Variants in HDAC9 observed in about 807,000 individuals in gnomAD.
The protein encoded by HDAC9 is MEF-2 interacting transcription repressor (MITR) protein.
In HDAC9, 41 loss-of-function variants were observed where a neutral mutation model predicts 139.4. The observed-to-expected ratio is 0.29, with a 90% CI of 0.23 to 0.38. The LOEUF is 0.38. Among genes scored for constraint, HDAC9 ranks in the 10% least tolerant of loss-of-function variants. The pLI is 1.00. For missense variants in HDAC9, 1,147 were observed against 1,297.0 expected (o/e 0.88, Z 1.78); for synonymous variants, 517 against 476.2 (o/e 1.09, Z -1.12).
intron 25 of HDAC9, among the ~76,000 whole-genome samples, chr7:18,989,695 C>G (rs1307739324): frequency 6.8e-6 from 1 of 147,558 alleles, no homozygotes; most frequent in Non-Finnish European, 1.5e-5. Context: ...GTACACCAAT[C>G]AGACGTAGAT....
At chr7:18,612,915 T>C (rs969552538) in intron 6 of HDAC9, among the ~76,000 whole-genome samples, 3 of 151,802 alleles carry the variant, frequency 2.0e-5, no homozygotes, top group South Asian at 4.1e-4. Flanking sequence ...GTTTTAAAAA[T>C]AGGTATGTTA....
At position 18,804,422 on chromosome 7, in the gene HDAC9, C is replaced by T. The variant is rs145294849; in HGVS notation, c.2322+10970C>T. On this transcript the variant is annotated intron_variant, in intron 17 of 25. Transcript: ENST00000686413. ...TGTGGTTCATACACACGTATGCATA[C>T]GTAAATAATATTAAAAATGAAGGGT... 6.0e-3 allele frequency among the ~76,000 whole-genome samples: 913 copies of T among 152,066 alleles called. 9 individuals are homozygous for T. The highest frequency in any genetic ancestry group is 0.021 in the African/African-American group (861 of 41,470).
At chr7:18,412,014 G>A (rs1157462043) in intron 1 of HDAC9, among the ~76,000 whole-genome samples, 1 of 151,558 alleles carries the variant, frequency 6.6e-6, no homozygotes, top group Non-Finnish European at 1.5e-5. Context: ...TTTTGGTAGA[G>A]AAGGGGTTTC....
intron 22 of HDAC9, among the ~76,000 whole-genome samples, chr7:18,909,060 T>C (rs754393775): frequency 2.2e-4 from 33 of 152,080 alleles, no homozygotes; most frequent in Admixed American, 7.9e-4. Flanking sequence ...GCACTAGTTA[T>C]TGTTTGTCTT....
chr7:18,089,966 GT>G (rs1782037802), intron 1 of HDAC9, among the ~76,000 whole-genome samples: 2 of 152,136 alleles, frequency 1.3e-5, no homozygotes, highest in Admixed American at 1.3e-4. Flanking sequence ...GTTTAAGTTG[GT>G]GGGGGCTCTT....
chr7:18,952,681 C>T (rs1185621810), intron 23 of HDAC9, among the ~76,000 whole-genome samples: 1 of 151,938 alleles, frequency 6.6e-6, no homozygotes, highest in African/African-American at 2.4e-5. Flanking sequence ...AGTAGTTCCT[C>T]TGAGTTAAGA....
At chr7:18,177,425 A>T (rs1390201241) in intron 2 of HDAC9, among the ~76,000 whole-genome samples, 1 of 152,138 alleles carries the variant, frequency 6.6e-6, no homozygotes, top group African/African-American at 2.4e-5. Flanking sequence ...GGTATATAAG[A>T]ACCCGTACCC....
At chr7:18,446,142 A>G (rs1270762693) in intron 1 of HDAC9, among the ~76,000 whole-genome samples, 1 of 152,242 alleles carries the variant, frequency 6.6e-6, no homozygotes, top group Non-Finnish European at 1.5e-5. Flanking sequence ...ATTCAGTGGG[A>G]CAAACACTAC....
At chr7:18,978,685 CAAG>C (rs1332814361) in intron 25 of HDAC9, among the ~76,000 whole-genome samples, 2 of 152,080 alleles carry the variant, frequency 1.3e-5, no homozygotes, top group African/African-American at 4.8e-5. Flanking sequence ...TACTTAGAAG[CAAG>C]AAGTTTTCTT....
At chr7:18,634,599 C>T (rs371539306) in intron 7 of HDAC9, 28 bp from the exon 8 acceptor site, 25 of 1,370,418 alleles carry the variant, frequency 1.8e-5, no homozygotes, top group Non-Finnish European at 2.5e-5. Flanking sequence ...TCCTCATGAA[C>T]ACATTTGTAC....
chr7:18,112,916 G>A (rs538106755), intron 1 of HDAC9, among the ~76,000 whole-genome samples: 13 of 152,194 alleles, frequency 8.5e-5, no homozygotes, highest in South Asian at 4.1e-4. Context: ...TTGGGAGAGC[G>A]TTTGTTTGTT....
In HDAC9 at chr7:18,840,954, G is replaced by A. The variant is rs1796545940; in HGVS notation, c.2684+4957G>A. Among the ~76,000 whole-genome samples the A allele has an allele frequency of 1.3e-5, 2 of 152,030 alleles. 1 individual carries two copies. The highest frequency in any genetic ancestry group is 1.3e-4 in the Admixed American group (2 of 15,244). Reference sequence around the variant, plus strand: ...AGGGCATTTAACTCAAGTGCAGAATGAAATAAAACCTTTTATTGTCATATC... The same window carrying A: ...AGGGCATTTAACTCAAGTGCAGAATAAAATAAAACCTTTTATTGTCATATC... On this transcript the variant is annotated intron_variant, in intron 21 of 25. Transcript: ENST00000686413.
chr7:18,784,634 A>G (rs1274811736), intron 16 of HDAC9, among the ~76,000 whole-genome samples: 1 of 63,776 alleles, frequency 1.6e-5, no homozygotes, highest in Admixed American at 1.4e-4. Flanking sequence ...TGAGTTGGTC[A>G]TGGGTTTTTA....
chr7:18,263,675 C>A (rs1326447746), intron 2 of HDAC9, among the ~76,000 whole-genome samples: 2 of 150,556 alleles, frequency 1.3e-5, no homozygotes, highest in East Asian at 3.9e-4. Flanking sequence ...GTGGTGTGAT[C>A]TCAGCTCACT....
intron 24 of HDAC9, among the ~76,000 whole-genome samples, chr7:18,961,342 T>C (rs979309790): frequency 3.3e-5 from 5 of 152,156 alleles, no homozygotes; most frequent in Non-Finnish European, 7.3e-5. Flanking sequence ...GTAGAATTGG[T>C]ATAATATGGT....
rs1178334 is a variant in HDAC9, at chr7:18,184,569, G to A, written c.25+22220G>A. 5.4e-3 allele frequency among the ~76,000 whole-genome samples: 824 copies of A among 152,262 alleles called. 7 individuals are homozygous for A. The highest frequency in any genetic ancestry group is 0.019 in the African/African-American group (789 of 41,562). On this transcript the variant is annotated intron_variant, in intron 2 of 12. Transcript: ENST00000417496. ...ACAAAATTTGTATACCTGAGGTAAG[G>A]TGAGGAATTTCCACGTGTGGCATCA...
intron 8 of HDAC9, among the ~76,000 whole-genome samples, chr7:18,636,214 AAGCTGACACCCC>A (rs1181916632): frequency 2.0e-5 from 3 of 152,078 alleles, no homozygotes; most frequent in Non-Finnish European, 4.4e-5. Flanking sequence ...TGCAAACACT[AAGCTGACACCCC>A]AGAGGCCTGT....
intron 21 of HDAC9, among the ~76,000 whole-genome samples, chr7:18,871,140 T>G (rs918555672): frequency 3.9e-5 from 6 of 152,220 alleles, no homozygotes; most frequent in African/African-American, 1.4e-4. Flanking sequence ...ATGGACTTGG[T>G]GTTTGATTGT....
intron 1 of HDAC9, among the ~76,000 whole-genome samples, chr7:18,380,923 C>G (rs1472584457): frequency 6.6e-6 from 1 of 151,974 alleles, no homozygotes; most frequent in Non-Finnish European, 1.5e-5. Context: ...GGTGCTGTGG[C>G]TCATGCCTGT....
Sources: gnomAD v4.1 joint callset for allele counts (sites outside exome capture counted in the v4.1 genomes callset) on GRCh38, gnomAD v4.1.1 for gene constraint, MANE v1.5 for transcripts, NCBI Gene and HGNC (gene_info 2026-07-23, HGNC 2026-07-21) for gene names.